Variants in FGD4 observed in about 807,000 individuals in gnomAD.
FGD4 encodes the protein FYVE, RhoGEF and PH domain-containing protein 4.
FGD4 carries 42 observed loss-of-function variants against 102.0 expected under a neutral mutation model. That is an observed-to-expected ratio of 0.41 (90% CI 0.32 to 0.53). The LOEUF is 0.53. FGD4 is among the 20% of genes least tolerant of loss of function. The pLI, the probability that FGD4 is intolerant of heterozygous loss-of-function variation, is 0.21. For missense variants in FGD4, 902 were observed against 1,078.2 expected (o/e 0.84, Z 2.29); for synonymous variants, 380 against 375.7 (o/e 1.01, Z -0.13).
At chr12:32,562,680 T>C (rs541951620) in intron 1 of FGD4, among the ~76,000 whole-genome samples, 4 of 152,352 alleles carry the variant, frequency 2.6e-5, no homozygotes, top group Admixed American at 6.5e-5. Flanking sequence ...TTAATCCATT[T>C]AACCCTGAGT....
At chr12:32,563,336 G>A (rs571656675) in intron 1 of FGD4, among the ~76,000 whole-genome samples, 3 of 151,840 alleles carry the variant, frequency 2.0e-5, no homozygotes, top group Non-Finnish European at 4.4e-5. Flanking sequence ...TCGCGGCCGG[G>A]CAGGGGCGCT....
chr12:32,536,848 C>CA (rs992888733), intron 1 of FGD4, among the ~76,000 whole-genome samples: 29 of 151,566 alleles, frequency 1.9e-4, no homozygotes, highest in African/African-American at 6.0e-4. Context: ...AACAAACAAA[C>CA]AAAAAAGACT....
intron 3 of FGD4, among the ~76,000 whole-genome samples, chr12:32,577,866 A>G (rs368956150): frequency 6.6e-6 from 1 of 152,156 alleles, no homozygotes; most frequent in African/African-American, 2.4e-5. Context: ...TGGAGCCCTG[A>G]TCCCTGTCAT....
chr12:32,559,227 T>C (rs991666535), intron 1 of FGD4, among the ~76,000 whole-genome samples: 1 of 152,154 alleles, frequency 6.6e-6, no homozygotes, highest in Non-Finnish European at 1.5e-5. Context: ...ACAAAAAGTT[T>C]CAGTTTTTGT....
intron 1 of FGD4, among the ~76,000 whole-genome samples, chr12:32,505,008 C>T (rs946854192): frequency 6.6e-6 from 1 of 152,158 alleles, no homozygotes. Context: ...TTTTGAGGTA[C>T]AGATTTATAA....
intron 14 of FGD4, among the ~76,000 whole-genome samples, chr12:32,626,940 C>T (rs1044189466): frequency 2.6e-5 from 4 of 151,942 alleles, no homozygotes; most frequent in African/African-American, 7.3e-5. Context: ...CTCCGCCTCC[C>T]GGGTTCAAGC....
At chr12:32,599,419 G>A (rs1489624267) in intron 5 of FGD4, among the ~76,000 whole-genome samples, 3 of 122,522 alleles carry the variant, frequency 2.4e-5, no homozygotes, top group Non-Finnish European at 5.0e-5. Context: ...GCGTGAACCC[G>A]GGAGGCGGAG....
chr12:32,495,706 A>AAAAAAAG (rs1555188650), intron 1 of FGD4, among the ~76,000 whole-genome samples: 14 of 146,296 alleles, frequency 9.6e-5, no homozygotes, highest in African/African-American at 1.8e-4. Flanking sequence ...AAAAAAAAAA[A>AAAAAAAG]AAAAAAGAAG....
At chr12:32,574,660 T>G (rs1945987156) in intron 2 of FGD4, 1 of 152,194 alleles carries the variant, frequency 6.6e-6, no homozygotes, top group South Asian at 2.1e-4. Flanking sequence ...TTGCTCCACT[T>G]GTAGTTCATT....
intron 7 of FGD4, among the ~76,000 whole-genome samples, chr12:32,603,449 G>A (rs1265648810): frequency 6.6e-6 from 1 of 150,836 alleles, no homozygotes; most frequent in African/African-American, 2.4e-5. Flanking sequence ...GTGCAGTGGC[G>A]TGATCTAGGC....
chr12:32,405,812 C>G (rs758737336), intron 1 of FGD4, among the ~76,000 whole-genome samples: 30 of 151,978 alleles, frequency 2.0e-4, no homozygotes, highest in Non-Finnish European at 3.5e-4. Flanking sequence ...ACATATAGTT[C>G]TGGTTCAGAA....
chr12:32,503,240 G>T (rs572651208), intron 1 of FGD4, among the ~76,000 whole-genome samples: 1 of 151,984 alleles, frequency 6.6e-6, no homozygotes, highest in Non-Finnish European at 1.5e-5. Context: ...GAAACCATAG[G>T]GCCAGTGCTC....
rs1182137630 is a variant in FGD4, at chr12:32,491,147, A to AC, written c.167-72990_167-72989insC. On this transcript the variant is annotated intron_variant, in intron 1 of 16. Coordinates refer to ENST00000534526, the MANE Select transcript of FGD4 (RefSeq NM_001370298.3). ...TTCTGCCAGTTAAAAAAAAAAAAAA[A>AC]AAACAAAAAACTATAAAATTGGAAA... Among the ~76,000 whole-genome samples, 661 of 151,024 alleles carry AC rather than the reference A, an allele frequency of 4.4e-3. 7 individuals carry two copies. The highest frequency in any genetic ancestry group is 0.015 in the African/African-American group (625 of 41,146).
intron 1 of FGD4, among the ~76,000 whole-genome samples, chr12:32,446,113 G>A (rs552236928): frequency 5.3e-5 from 8 of 152,254 alleles, no homozygotes; most frequent in African/African-American, 1.7e-4. Context: ...GAGATCAGGC[G>A]ACTGCACTCC....
chr12:32,542,677 C>T (rs563209288), intron 1 of FGD4, among the ~76,000 whole-genome samples: 1 of 152,318 alleles, frequency 6.6e-6, no homozygotes, highest in South Asian at 2.1e-4. Context: ...AGGCTTTTGC[C>T]TTTCGAGTTC....
At chr12:32,583,972 ATT>A (rs1354896069) in intron 4 of FGD4, among the ~76,000 whole-genome samples, 1 of 152,234 alleles carries the variant, frequency 6.6e-6, no homozygotes, top group African/African-American at 2.4e-5. Context: ...AAAGAAAAAT[ATT>A]CTAATTGGTG....
At chr12:32,457,907 C>T (rs1382079779) in intron 1 of FGD4, among the ~76,000 whole-genome samples, 1 of 152,024 alleles carries the variant, frequency 6.6e-6, no homozygotes, top group African/African-American at 2.4e-5. Flanking sequence ...AGTTCTGCTA[C>T]TGAAATTAAA....
At chr12:32,453,200 T>TTATATATATATATATATATATA (rs1209887127) in intron 1 of FGD4, among the ~76,000 whole-genome samples, 3 of 64,600 alleles carry the variant, frequency 4.6e-5, no homozygotes, top group African/African-American at 1.5e-4. Context: ...TATATATATA[T>TTATATATATATATATATATATA]TATATATATA....
chr12:32,602,106 C>A (rs1948465895), intron 6 of FGD4, 55 bp from the exon 7 acceptor site: 4 of 1,541,968 alleles, frequency 2.6e-6, no homozygotes, highest in Non-Finnish European at 3.6e-6. Context: ...CAGAACAAGA[C>A]CCTGTCTCAA....
Sources: gnomAD v4.1 joint callset for allele counts (sites outside exome capture counted in the v4.1 genomes callset) on GRCh38, gnomAD v4.1.1 for gene constraint, MANE v1.5 for transcripts, NCBI Gene and HGNC (gene_info 2026-07-23, HGNC 2026-07-21) for gene names.